Variants in CORIN observed in about 807,000 individuals in gnomAD.
CORIN encodes the protein atrial natriuretic peptide-converting enzyme.
In CORIN, 117 loss-of-function variants were observed where a neutral mutation model predicts 125.3. That is an observed-to-expected ratio of 0.93 (90% confidence interval 0.80 to 1.09). The LOEUF is 1.09. Among genes scored for constraint, CORIN ranks in the 50% least tolerant of loss-of-function variants. The probability of loss-of-function intolerance (pLI) is 0.00; values close to 1 mark genes in which losing one functional copy is unlikely to be tolerated. For missense variants in CORIN, 1,253 were observed against 1,306.7 expected, an observed-to-expected ratio of 0.96 and a Z score of 0.63; for synonymous variants, 450 against 466.4, an observed-to-expected ratio of 0.96 and a Z score of 0.45.
At chr4:47,789,458 T>C (rs562006504) in intron 2 of CORIN, among the ~76,000 whole-genome samples, 3 of 152,252 alleles carry the variant, frequency 2.0e-5, no homozygotes, top group Non-Finnish European at 4.4e-5. Context: ...GCTTTATGTA[T>C]TGAAAGCAAT....
intron 5 of CORIN, among the ~76,000 whole-genome samples, chr4:47,724,076 A>G (rs1294893940): frequency 6.6e-6 from 1 of 152,080 alleles, no homozygotes; most frequent in African/African-American, 2.4e-5. Flanking sequence ...CCACCCCTGA[A>G]GTGACCTAGA....
chr4:47,705,964 A>G (rs1726533440), intron 5 of CORIN, among the ~76,000 whole-genome samples: 1 of 152,262 alleles, frequency 6.6e-6, no homozygotes, highest in South Asian at 2.1e-4. Flanking sequence ...ACACAAAAAT[A>G]TGAATCCTCA....
chr4:47,614,055 T>A (rs1264239872), intron 19 of CORIN, among the ~76,000 whole-genome samples: 2 of 152,106 alleles, frequency 1.3e-5, no homozygotes. Context: ...AAAATAAAAA[T>A]GGCTTCTTGG....
intron 13 of CORIN, among the ~76,000 whole-genome samples, chr4:47,652,945 A>C (rs1409434949): frequency 6.6e-6 from 1 of 152,188 alleles, no homozygotes; most frequent in African/African-American, 2.4e-5. Context: ...AATTCTTTAC[A>C]TTTGTGAGGT....
intron 5 of CORIN, among the ~76,000 whole-genome samples, chr4:47,703,135 T>C (rs114087268): frequency 1.1e-3 from 165 of 152,264 alleles, no homozygotes; most frequent in African/African-American, 3.9e-3. Context: ...TAACCAGCGG[T>C]TGGATGCCAA....
intron 19 of CORIN, among the ~76,000 whole-genome samples, chr4:47,613,709 C>A (rs988337853): frequency 6.7e-6 from 1 of 148,204 alleles, no homozygotes; most frequent in Non-Finnish European, 1.5e-5. Context: ...ATCGCAAGAA[C>A]AAAAAACCAA....
intron 5 of CORIN, among the ~76,000 whole-genome samples, chr4:47,743,509 A>G (rs772185144): frequency 5.3e-5 from 8 of 152,284 alleles, no homozygotes; most frequent in Non-Finnish European, 8.8e-5. Context: ...TACAACTTTT[A>G]TAAGGAGCTG....
intron 1 of CORIN, among the ~76,000 whole-genome samples, chr4:47,836,701 T>A (rs1459831611): frequency 6.6e-6 from 1 of 152,094 alleles, no homozygotes; most frequent in African/African-American, 2.4e-5. Context: ...CCTGCTGAAT[T>A]CAAAGTCAGA....
chr4:47,784,583 T>C (rs1290405867), intron 3 of CORIN, among the ~76,000 whole-genome samples: 1 of 152,180 alleles, frequency 6.6e-6, no homozygotes, highest in Non-Finnish European at 1.5e-5. Context: ...TAACAAATAA[T>C]GGAACTTTCA....
At chr4:47,763,625 T>C in intron 3 of CORIN, 39 bp from the exon 4 acceptor site, 1 of 1,531,408 alleles carries the variant, frequency 6.5e-7, no homozygotes. Flanking sequence ...AGTGGACACA[T>C]CAGAAGTATA....
intron 1 of CORIN, among the ~76,000 whole-genome samples, chr4:47,809,120 T>TA (rs987192471): frequency 2.0e-5 from 3 of 152,262 alleles, no homozygotes; most frequent in East Asian, 3.9e-4. Flanking sequence ...TGTTACGAGT[T>TA]AAAAAAAGTT....
chr4:47,738,227 A>G (rs1486022063), intron 5 of CORIN, among the ~76,000 whole-genome samples: 2 of 152,150 alleles, frequency 1.3e-5, no homozygotes, highest in African/African-American at 4.8e-5. Context: ...CACCTGTGGC[A>G]GACATTGAGA....
At chr4:47,615,510 T>C (rs748026028) in intron 19 of CORIN, among the ~76,000 whole-genome samples, 10 of 152,126 alleles carry the variant, frequency 6.6e-5, no homozygotes, top group Non-Finnish European at 1.0e-4. Context: ...TTTATGGAGG[T>C]AATCAAGTTA....
chr4:47,623,096 C>CTCTCTCTCTCTCTATA (rs771867590), intron 19 of CORIN, among the ~76,000 whole-genome samples: 72 of 102,276 alleles, frequency 7.0e-4, no homozygotes, highest in Middle Eastern at 5.2e-3. Flanking sequence ...CTCTCTCTCT[C>CTCTCTCTCTCTCTATA]TATATATATA....
chr4:47,678,453 T>C (rs2109707212), intron 8 of CORIN, among the ~76,000 whole-genome samples: 1 of 152,338 alleles, frequency 6.6e-6, no homozygotes, highest in Non-Finnish European at 1.5e-5. Flanking sequence ...TTACAGAGCA[T>C]AGTACTTGCT....
chr4:47,756,876 T>A (rs1251255068), intron 4 of CORIN, among the ~76,000 whole-genome samples: 1 of 152,224 alleles, frequency 6.6e-6, no homozygotes, highest in Admixed American at 6.5e-5. Flanking sequence ...GTACATGATG[T>A]GTACATTTAT....
chr4:47,687,461 C>CT (rs201183661), intron 6 of CORIN, among the ~76,000 whole-genome samples: 46 of 151,408 alleles, frequency 3.0e-4, no homozygotes, highest in African/African-American at 9.9e-4. Context: ...CTAGACACAC[C>CT]TTTTTTTTTC....
intron 19 of CORIN, among the ~76,000 whole-genome samples, chr4:47,609,671 G>A (rs994487728): frequency 7.9e-5 from 12 of 152,026 alleles, no homozygotes; most frequent in South Asian, 2.1e-4. Flanking sequence ...AACGTGTGCC[G>A]TGGTGGTTTG....
chr4:47,737,750 G>C (rs1728198092), intron 5 of CORIN, among the ~76,000 whole-genome samples: 1 of 152,168 alleles, frequency 6.6e-6, no homozygotes, highest in Non-Finnish European at 1.5e-5. Context: ...CATGGTCTAA[G>C]AAAGCAGGTG....
Sources: allele counts gnomAD v4.1 joint callset (sites outside exome capture counted in the v4.1 genomes callset), GRCh38; gene constraint gnomAD v4.1.1; transcripts MANE v1.5; gene names NCBI Gene and HGNC (gene_info 2026-07-23, HGNC 2026-07-21).